MPP7: variants seen among roughly 807,000 people sequenced by gnomAD.
MPP7 encodes the protein MAGUK p55 scaffold protein 7.
MPP7 carries 60 observed loss-of-function variants against 76.5 expected under a neutral mutation model. The ratio of observed to expected loss-of-function variants is 0.78; its 90% CI spans 0.64 to 0.97. The LOEUF (loss-of-function observed/expected upper bound fraction) is 0.97, where lower values mean the gene tolerates loss of function less well. MPP7 is among the 50% of genes least tolerant of loss of function. MPP7 has a pLI of 0.00. For missense variants in MPP7, 641 were observed against 694.0 expected (o/e 0.92, Z 0.86); for synonymous variants, 237 against 244.5 (o/e 0.97, Z 0.29).
intron 13 of MPP7, among the ~76,000 whole-genome samples, chr10:28,061,680 C>T (rs958808856): frequency 6.6e-6 from 1 of 152,064 alleles, no homozygotes; most frequent in Non-Finnish European, 1.5e-5. Context: ...TTACCAATTT[C>T]AGCAGCTCAG....
At chr10:28,121,101 G>C (rs1282849841) in intron 8 of MPP7, among the ~76,000 whole-genome samples, 1 of 151,960 alleles carries the variant, frequency 6.6e-6, no homozygotes, top group Non-Finnish European at 1.5e-5. Flanking sequence ...CCAAGCCCAG[G>C]AGTTCAAGAC....
intron 4 of MPP7, 104 bp from the exon 5 acceptor site, chr10:28,147,667 A>T (rs1452042779): frequency 1.0e-6 from 1 of 967,452 alleles, no homozygotes; most frequent in East Asian, 2.4e-5. Context: ...ATTACTTTCC[A>T]ATGTTTAAGG....
At chr10:28,055,418 G>A (rs193020030) in intron 16 of MPP7, among the ~76,000 whole-genome samples, 140 of 152,120 alleles carry the variant, frequency 9.2e-4, no homozygotes, top group African/African-American at 3.3e-3. Context: ...ATAAACTAAA[G>A]TTAATGATGA....
At chr10:28,306,082 C>T (rs1464309620), upstream of MPP7, 10 of 152,140 alleles carry the variant, frequency 6.6e-5, no homozygotes, top group Admixed American at 3.3e-4. Flanking sequence ...GCTATCTTTA[C>T]TTTATCAGTT....
chr10:28,058,889 T>C (rs1304101691), intron 14 of MPP7, among the ~76,000 whole-genome samples: 2 of 152,184 alleles, frequency 1.3e-5, no homozygotes, highest in Non-Finnish European at 2.9e-5. Context: ...TCTTCAGAAC[T>C]AATGCAATGC....
At chr10:28,278,848 A>T (rs1384914638) in intron 1 of MPP7, among the ~76,000 whole-genome samples, 1 of 151,674 alleles carries the variant, frequency 6.6e-6, no homozygotes, top group East Asian at 1.9e-4. Context: ...AAAACACCAA[A>T]ATGTTAATGG....
intron 11 of MPP7, chr10:28,117,946 A>G: frequency 4.9e-6 from 1 of 203,212 alleles, no homozygotes; most frequent in Non-Finnish European, 8.7e-6. Context: ...AGAGAGGAGA[A>G]AGAAAGAGAG....
intron 1 of MPP7, among the ~76,000 whole-genome samples, chr10:28,333,584 A>G (rs1173926472): frequency 2.0e-5 from 3 of 152,242 alleles, no homozygotes; most frequent in Non-Finnish European, 2.9e-5. Context: ...AACGTTGTAC[A>G]TTTGTGAAAC....
At chr10:28,321,741 C>T (rs944147559) in intron 2 of MPP7, among the ~76,000 whole-genome samples, 1 of 152,090 alleles carries the variant, frequency 6.6e-6, no homozygotes, top group East Asian at 1.9e-4. Flanking sequence ...TGTGCCACCA[C>T]ACCCGGCTAA....
intron 2 of MPP7, among the ~76,000 whole-genome samples, chr10:28,212,619 CAGAAG>C (rs1245947778): frequency 6.6e-6 from 1 of 152,068 alleles, no homozygotes. Flanking sequence ...AGTGTAGACA[CAGAAG>C]AGAAGAGGAG....
chr10:28,106,785 G>A (rs1171137792), intron 11 of MPP7, among the ~76,000 whole-genome samples: 8 of 152,032 alleles, frequency 5.3e-5, no homozygotes, highest in Non-Finnish European at 8.8e-5. Flanking sequence ...TTTGGCTTCC[G>A]GTGAAAATGT....
rs1835746558 is a variant in MPP7 at position 28,147,489 on chromosome 10, A to G, written c.309T>C (p.Asn103=). 1.9e-6 allele frequency: 3 copies of G among 1,613,418 alleles called. No homozygotes were observed. The highest frequency in any genetic ancestry group is 1.3e-5 in the African/African-American group (1 of 74,904). The change falls in exon 5 of 17, where the codon AAT becomes AAC. Residue 103 remains asparagine (N), a synonymous_variant. Coordinates refer to ENST00000683449, the MANE Select transcript of MPP7 (RefSeq NM_001318170.2). ...RELLKLLSKP[N]VKALLSVHDT... ...CGGCGTAACATGTCCTCACCTTCACATTGGGTTTTGACAGTAGTTTCAACA... is the reference window on the plus strand; with the variant it reads ...CGGCGTAACATGTCCTCACCTTCACGTTGGGTTTTGACAGTAGTTTCAACA...
intron 11 of MPP7, among the ~76,000 whole-genome samples, chr10:28,095,206 T>G (rs1189622362): frequency 6.8e-6 from 1 of 146,130 alleles, no homozygotes; most frequent in Non-Finnish European, 1.5e-5. Flanking sequence ...TATATATATA[T>G]ATATATATAT....
chr10:28,281,779 A>C (rs2133098769), intron 1 of MPP7, among the ~76,000 whole-genome samples: 1 of 152,196 alleles, frequency 6.6e-6, no homozygotes, highest in Non-Finnish European at 1.5e-5. Context: ...GGAGAGAATA[A>C]ATAACTTGTC....
chr10:28,284,677 T>C (rs899643328), intron 1 of MPP7, among the ~76,000 whole-genome samples: 4 of 152,060 alleles, frequency 2.6e-5, no homozygotes, highest in Admixed American at 6.5e-5. Context: ...TTGGAGTAAA[T>C]AGAACTTTTG....
chr10:28,293,797 A>C (rs965384725), intron 1 of MPP7, among the ~76,000 whole-genome samples: 22 of 152,230 alleles, frequency 1.4e-4, no homozygotes, highest in Non-Finnish European at 2.5e-4. Flanking sequence ...CCTTACCCTC[A>C]TAGGGTTTAT....
At chr10:28,142,611 G>T (rs564974283) in intron 5 of MPP7, among the ~76,000 whole-genome samples, 1 of 152,222 alleles carries the variant, frequency 6.6e-6, no homozygotes, top group South Asian at 2.1e-4. Context: ...TGCACCTGTA[G>T]TCCCAGCTAG....
At chr10:28,327,553 A>G (rs1834429040) in intron 2 of MPP7, among the ~76,000 whole-genome samples, 1 of 152,150 alleles carries the variant, frequency 6.6e-6, no homozygotes, top group African/African-American at 2.4e-5. Flanking sequence ...TAAAGACCCA[A>G]ATATATGGAT....
intron 1 of MPP7, among the ~76,000 whole-genome samples, chr10:28,330,832 T>C (rs996379108): frequency 1.3e-5 from 2 of 152,104 alleles, no homozygotes; most frequent in Non-Finnish European, 2.9e-5. Context: ...TTTTTTAGAA[T>C]TGTTTTTCGT....
Sources: gnomAD v4.1 joint callset for allele counts (sites outside exome capture counted in the v4.1 genomes callset) on GRCh38, gnomAD v4.1.1 for gene constraint, MANE v1.5 for transcripts, NCBI Gene and HGNC (gene_info 2026-07-23, HGNC 2026-07-21) for gene names.